The following PLCG2 variants were observed in gnomAD, a reference collection of about 807,000 sequenced individuals.
PLCG2 encodes phospholipase C gamma 2.
A neutral mutation model predicts 175.6 loss-of-function variants in PLCG2; 69 were observed. The observed-to-expected ratio is 0.39, with a 90% CI of 0.32 to 0.48. PLCG2 has a LOEUF of 0.48. Ranked by LOEUF, PLCG2 falls within the 20% of genes least tolerant of loss-of-function variation. PLCG2 has a pLI of 0.91. For missense variants in PLCG2, 1,798 were observed against 1,650.9 expected (o/e 1.09, Z -1.54); for synonymous variants, 827 against 624.0 (o/e 1.33, Z -4.85).
chr16:81,804,923 G>A (rs1028326903), intron 2 of PLCG2, among the ~76,000 whole-genome samples: 6 of 152,212 alleles, frequency 3.9e-5, no homozygotes, highest in Non-Finnish European at 8.8e-5. Context: ...AAGCTCACAT[G>A]TATCCATGTG....
chr16:81,772,903 C>G (rs1440870096), intron 2 of PLCG2, among the ~76,000 whole-genome samples: 1 of 152,208 alleles, frequency 6.6e-6, no homozygotes, highest in East Asian at 1.9e-4. Context: ...CCTTCTTGCT[C>G]TGTGCCAGCT....
chr16:81,939,183 G>C (rs959941047), intron 29 of PLCG2, among the ~76,000 whole-genome samples: 1 of 152,146 alleles, frequency 6.6e-6, no homozygotes, highest in Non-Finnish European at 1.5e-5. Flanking sequence ...GGTCCTCTCT[G>C]TGCAACAGCC....
At chr16:81,913,708 G>A (rs1157788490) in intron 19 of PLCG2, among the ~76,000 whole-genome samples, 2 of 152,242 alleles carry the variant, frequency 1.3e-5, no homozygotes, top group African/African-American at 2.4e-5. Flanking sequence ...CATGGGCGCG[G>A]TGGTGCTGGC....
chr16:81,946,677 C>G (rs975052835), intron 31 of PLCG2, among the ~76,000 whole-genome samples: 1 of 152,114 alleles, frequency 6.6e-6, no homozygotes, highest in Non-Finnish European at 1.5e-5. Context: ...AAATTAATCA[C>G]CCCCCAAGCT....
chr16:81,800,070 T>C lies in PLCG2; in HGVS notation c.193+13888T>C, dbSNP rs1313387442. On this transcript the variant is annotated intron_variant, in intron 2 of 32. Coordinates refer to ENST00000564138, the MANE Select transcript of PLCG2 (RefSeq NM_002661.5). ...CTTTTCATTGCACTCATCTGTAAAA[T>C]AGGATAATAATGGTACCTATTACAC... is the stretch of plus-strand genomic sequence containing the variant. 2.0e-5 allele frequency among the ~76,000 whole-genome samples: 3 copies of C among 152,196 alleles called. No individual in the cohort carries two copies. In the East Asian group the frequency reaches 5.8e-4, roughly 29 times the overall value.
At chr16:81,800,465 G>C (rs1463156223) in intron 2 of PLCG2, among the ~76,000 whole-genome samples, 2 of 152,120 alleles carry the variant, frequency 1.3e-5, no homozygotes, top group Non-Finnish European at 2.9e-5. Context: ...AACATGCAGT[G>C]TTTGGTTTTC....
intron 2 of PLCG2, among the ~76,000 whole-genome samples, chr16:81,816,524 T>G (rs1198765075): frequency 6.6e-6 from 1 of 151,446 alleles, no homozygotes; most frequent in Non-Finnish European, 1.5e-5. Context: ...GTTGCCCAGG[T>G]TGGAGTGCCA....
intron 2 of PLCG2, among the ~76,000 whole-genome samples, chr16:81,761,176 T>C (rs2143087313): frequency 6.6e-6 from 1 of 152,240 alleles, no homozygotes; most frequent in East Asian, 1.9e-4. Context: ...GCCTTACAGG[T>C]ATGAGCCACT....
At chr16:81,916,855 A>G (rs1909864926) in intron 19 of PLCG2, among the ~76,000 whole-genome samples, 1 of 152,032 alleles carries the variant, frequency 6.6e-6, no homozygotes, top group African/African-American at 2.4e-5. Context: ...CCAGGCTGGT[A>G]TCGAACTGCT....
At chr16:81,746,449 C>T (rs529478013) in intron 1 of PLCG2, among the ~76,000 whole-genome samples, 7 of 152,300 alleles carry the variant, frequency 4.6e-5, no homozygotes, top group South Asian at 2.1e-4. Context: ...AGTGAGCACC[C>T]ACAGTGGTGC....
At chr16:81,893,161 G>A (rs1029248403) in intron 11 of PLCG2, among the ~76,000 whole-genome samples, 5 of 152,016 alleles carry the variant, frequency 3.3e-5, no homozygotes, top group African/African-American at 1.2e-4. Context: ...GCTTGGCCTC[G>A]GAACACAAAT....
chr16:81,912,831 C>T, intron 19 of PLCG2, 115 bp downstream of exon 19: 1 of 1,267,608 alleles, frequency 7.9e-7, no homozygotes, highest in South Asian at 1.6e-5. Context: ...GCCCCCCCAG[C>T]ATCAGCGACA....
intron 2 of PLCG2, among the ~76,000 whole-genome samples, chr16:81,761,850 C>T (rs1450329822): frequency 1.9e-4 from 24 of 126,618 alleles, no homozygotes; most frequent in South Asian, 2.3e-4. Context: ...TTTTTTTTTG[C>T]GCATGGAGTC....
chr16:81,753,886 C>T (rs1213091141), intron 1 of PLCG2, among the ~76,000 whole-genome samples: 3 of 152,250 alleles, frequency 2.0e-5, no homozygotes, highest in African/African-American at 7.2e-5. Context: ...GAAGTGGCTG[C>T]GGAGGTGAGA....
intron 18 of PLCG2, 115 bp downstream of exon 18, chr16:81,910,835 C>T (rs1909591094): frequency 2.1e-6 from 2 of 943,670 alleles, no homozygotes; most frequent in African/African-American, 1.6e-5. Context: ...CTCTCCCCAG[C>T]CCACCGGCAT....
At chr16:81,759,909 A>G (rs1188832695) in intron 2 of PLCG2, among the ~76,000 whole-genome samples, 4 of 152,150 alleles carry the variant, frequency 2.6e-5, no homozygotes, top group Admixed American at 6.6e-5. Flanking sequence ...GGCAGATCAC[A>G]AGGTCAGGAG....
intron 2 of PLCG2, among the ~76,000 whole-genome samples, chr16:81,772,058 C>G (rs879297037): frequency 2.6e-5 from 4 of 152,156 alleles, no homozygotes; most frequent in Non-Finnish European, 5.9e-5. Flanking sequence ...GCTGGGATTA[C>G]AGGTGTGAGC....
chr16:81,748,751 A>G (rs1010815035), intron 1 of PLCG2, among the ~76,000 whole-genome samples: 4 of 152,204 alleles, frequency 2.6e-5, no homozygotes, highest in African/African-American at 7.2e-5. Flanking sequence ...GTAAACCCAA[A>G]CAGAAGGAAG....
chr16:81,777,977 A>C (rs58271299), upstream of PLCG2, among the ~76,000 whole-genome samples: 77,143 of 138,290 alleles, frequency 0.56, 21,927 homozygotes, highest in South Asian at 0.74. Flanking sequence ...AGATCGTGCC[A>C]CTGCACTCCA....
Sources: gnomAD v4.1 joint callset for allele counts (sites outside exome capture counted in the v4.1 genomes callset) on GRCh38, gnomAD v4.1.1 for gene constraint, MANE v1.5 for transcripts, NCBI Gene and HGNC (gene_info 2026-07-23, HGNC 2026-07-21) for gene names.